Variants in HTR2C observed in about 807,000 individuals in gnomAD.
HTR2C encodes 5-hydroxytryptamine (serotonin) receptor 2C, G protein-coupled.
A neutral mutation model predicts 21.0 loss-of-function variants in HTR2C; 5 were observed. That is an observed-to-expected ratio of 0.24 (90% confidence interval 0.12 to 0.50). The LOEUF (loss-of-function observed/expected upper bound fraction) is 0.50, where lower values mean the gene tolerates loss of function less well. HTR2C is among the 20% of genes least tolerant of loss of function. HTR2C has a pLI of 0.98. For synonymous variants in HTR2C, 150 were observed against 145.3 expected (o/e 1.03, Z -0.23); for missense variants, 271 against 371.2 (o/e 0.73, Z 2.22).
intron 2 of HTR2C, among the ~76,000 whole-genome samples, chrX:114,694,650 G>C (rs367869197): frequency 7.5e-4 from 82 of 109,175 alleles, no homozygotes; most frequent in African/African-American, 2.3e-3. Flanking sequence ...CCGCCACCAT[G>C]ATGGGCTAAT....
intron 1 of HTR2C, among the ~76,000 whole-genome samples, chrX:114,608,279 A>G (rs1203664173): frequency 9.0e-6 from 1 of 111,674 alleles, no homozygotes; most frequent in East Asian, 2.8e-4. Flanking sequence ...TTCACATACT[A>G]TCCAATTTGC....
chrX:114,671,629 G>A (rs782099597), intron 2 of HTR2C, among the ~76,000 whole-genome samples: 6 of 111,866 alleles, frequency 5.4e-5, no homozygotes, highest in Non-Finnish European at 1.1e-4. Flanking sequence ...GATCTGTGAT[G>A]GCTTCGAAAA....
At chrX:114,870,260 G>A (rs1556475995) in intron 5 of HTR2C, among the ~76,000 whole-genome samples, 1 of 109,656 alleles carries the variant, frequency 9.1e-6, no homozygotes, top group South Asian at 4.0e-4. Context: ...GCTAATTTTT[G>A]TATCAGAGAT....
chrX:114,873,301 T>C (rs1447012158), intron 5 of HTR2C, among the ~76,000 whole-genome samples: 1 of 111,633 alleles, frequency 9.0e-6, no homozygotes, highest in Non-Finnish European at 1.9e-5. Context: ...TTTCTTTTGA[T>C]TTTTCTTTTA....
At chrX:114,690,304 T>C (rs1932068796) in intron 2 of HTR2C, among the ~76,000 whole-genome samples, 1 of 111,982 alleles carries the variant, frequency 8.9e-6, no homozygotes, top group African/African-American at 3.2e-5. Flanking sequence ...TATGCTAACA[T>C]GCAGAAGTTC....
chrX:114,907,357 AT>A lies in HTR2C; in HGVS notation c.1322del (p.Leu441Ter). On this transcript the variant is annotated frameshift_variant, in exon 6 of 6. Coordinates refer to ENST00000276198, the MANE Select transcript of HTR2C (RefSeq NM_000868.4). LOFTEE classifies it high-confidence loss of function. ...CCCGGTATAGAGATGCAAGTTGAGA[AT>A]TTAGAGTTACCAGTAAATCCCTCCA... Reference protein sequence around the residue: ...NEPGIEMQVENLELPVNPSSV... With the variant: ...NEPGIEMQVEXLELPVNPSSV... 3.3e-6 allele frequency: 4 copies of A among 1,211,182 alleles called. No homozygotes were observed. The highest frequency in any genetic ancestry group is 1.7e-5 in the African/African-American group (1 of 57,743).
intron 4 of HTR2C, among the ~76,000 whole-genome samples, chrX:114,764,410 A>AAG (rs1182969910): frequency 1.8e-5 from 2 of 110,549 alleles, no homozygotes; most frequent in African/African-American, 6.6e-5. Flanking sequence ...CAAAAAAAAA[A>AAG]AAAAAAAAGT....
chrX:114,818,475 A>G (rs191208461), intron 4 of HTR2C, among the ~76,000 whole-genome samples: 59 of 112,189 alleles, frequency 5.3e-4, no homozygotes, highest in African/African-American at 1.8e-3. Flanking sequence ...GCTAAAGCAG[A>G]TACCTTTTGT....
At chrX:114,760,887 A>G (rs1215269064) in intron 4 of HTR2C, among the ~76,000 whole-genome samples, 2 of 111,302 alleles carry the variant, frequency 1.8e-5, no homozygotes, top group African/African-American at 3.3e-5. Context: ...TTCATTTGCA[A>G]CACTTCAACC....
At chrX:114,688,575 T>C (rs1556414625) in intron 2 of HTR2C, among the ~76,000 whole-genome samples, 1 of 112,013 alleles carries the variant, frequency 8.9e-6, no homozygotes, top group African/African-American at 3.2e-5. Context: ...ATTAGAAAAC[T>C]ATTTTATCAT....
rs189450774 is a variant in HTR2C, at chrX:114,838,085, G to T, written c.350-9918G>T. On this transcript the variant is annotated intron_variant, in intron 4 of 5. Transcript: ENST00000276198. Reference sequence around the variant, plus strand: ...TTGGTAGATTTCATGATGATAAATCGCCTTTGCATTCCTGGAAGAACTCTT... The same window carrying T: ...TTGGTAGATTTCATGATGATAAATCTCCTTTGCATTCCTGGAAGAACTCTT... Among the ~76,000 whole-genome samples the T allele has an allele frequency of 2.7e-5, 3 of 111,143 alleles. No individual in the cohort carries two copies. In the East Asian group the frequency reaches 8.5e-4, roughly 31 times the overall value.
intron 4 of HTR2C, among the ~76,000 whole-genome samples, chrX:114,834,106 G>C (rs1407215593): frequency 9.1e-5 from 10 of 109,974 alleles, no homozygotes; most frequent in Non-Finnish European, 1.9e-4. Flanking sequence ...TTGCTGAGGA[G>C]AGCTTTACTT....
At chrX:114,598,404 T>C (rs1738629931) in intron 1 of HTR2C, among the ~76,000 whole-genome samples, 1 of 111,661 alleles carries the variant, frequency 9.0e-6, no homozygotes, top group Non-Finnish European at 1.9e-5. Context: ...GTCCTGTTGC[T>C]TTTATTCCCT....
intron 4 of HTR2C, among the ~76,000 whole-genome samples, chrX:114,749,453 C>CAAAAAAAAAAAAAAAA (rs782652879): frequency 4.8e-5 from 2 of 41,904 alleles, no homozygotes; most frequent in Non-Finnish European, 3.7e-5. Context: ...GTCCATGTCT[C>CAAAAAAAAAAAAAAAA]AAAAAAAAAA....
At chrX:114,641,529 A>G (rs781840840) in intron 2 of HTR2C, among the ~76,000 whole-genome samples, 3 of 111,584 alleles carry the variant, frequency 2.7e-5, no homozygotes, top group East Asian at 5.7e-4. Flanking sequence ...TAAAAAAAAA[A>G]TCTATGTCTT....
intron 4 of HTR2C, among the ~76,000 whole-genome samples, chrX:114,843,742 A>T (rs782453692): frequency 1.8e-5 from 2 of 111,625 alleles, no homozygotes; most frequent in Non-Finnish European, 3.8e-5. Context: ...CAAGCATCTC[A>T]TCAAATACAA....
intron 4 of HTR2C, among the ~76,000 whole-genome samples, chrX:114,745,459 C>A (rs1443413119): frequency 8.9e-6 from 1 of 111,935 alleles, no homozygotes; most frequent in Non-Finnish European, 1.9e-5. Context: ...TGGGAATATA[C>A]ACAAAAGAAA....
chrX:114,740,846 T>G (rs2069637904), intron 4 of HTR2C, among the ~76,000 whole-genome samples: 1 of 111,610 alleles, frequency 9.0e-6, no homozygotes, highest in Non-Finnish European at 1.9e-5. Flanking sequence ...GCAATAGTGA[T>G]TGTATAACAC....
At chrX:114,813,934 A>T (rs782721178) in intron 4 of HTR2C, among the ~76,000 whole-genome samples, 4 of 111,693 alleles carry the variant, frequency 3.6e-5, no homozygotes, top group Non-Finnish European at 7.5e-5. Context: ...ACAATACAAT[A>T]TATATGCTAG....
Sources: allele counts gnomAD v4.1 joint callset (sites outside exome capture counted in the v4.1 genomes callset), GRCh38; gene constraint gnomAD v4.1.1; transcripts MANE v1.5; gene names NCBI Gene and HGNC (gene_info 2026-07-23, HGNC 2026-07-21).